The following UBR4 variants were observed in gnomAD, a reference collection of about 807,000 sequenced individuals.
The protein encoded by UBR4 is E3 ubiquitin-protein ligase UBR4.
Under a neutral mutation model 575.6 loss-of-function variants are expected in UBR4, and 124 were observed. The observed-to-expected ratio is 0.22, with a 90% CI of 0.19 to 0.25. The LOEUF (loss-of-function observed/expected upper bound fraction) is 0.25. Among genes scored for constraint, UBR4 ranks in the 10% least tolerant of loss-of-function variants. The pLI is 1.00. For synonymous variants in UBR4, 2,455 were observed against 2,473.7 expected (o/e 0.99, Z 0.22); for missense variants, 4,818 against 6,478.8 (o/e 0.74, Z 8.80).
In UBR4 at chr1:19,155,552, T is replaced by C; in HGVS notation, c.6189A>G (p.Ile2063Met). 1 of 1,614,146 alleles carries C rather than the reference T, an allele frequency of 6.2e-7. No homozygotes were observed. Among genetic ancestry groups the C allele is most frequent in the Admixed American group, 1.7e-5 (1 of 60,020 alleles). Reference sequence around the variant, plus strand: ...TATAGATGTACCCAGCCGAAGACATTATAACAATGATGTTCTTTCCCTCCT... The same window carrying C: ...TATAGATGTACCCAGCCGAAGACATCATAACAATGATGTTCTTTCCCTCCT... ...FNEEGKNIIVIMSSAGYIYTQ... is the reference protein window; with the variant it reads ...FNEEGKNIIVMMSSAGYIYTQ... The change falls in exon 43 of 106, where the codon ATA becomes ATG. Residue 2063 changes from isoleucine to methionine, a missense_variant. Transcript: ENST00000375254.
Position 19,144,097 on chromosome 1 carries a change from G to T in UBR4, c.8068-6C>A, listed in dbSNP as rs1328944342. 1.2e-6 allele frequency: 2 copies of T among 1,612,740 alleles called. No individual in the cohort carries two copies. The highest frequency in any genetic ancestry group is 1.3e-5 in the African/African-American group (1 of 75,014). On this transcript the variant is annotated splice_region_variant and splice_polypyrimidine_tract_variant and intron_variant, in intron 54 of 105. Transcript: ENST00000375254. Reference sequence around the variant, plus strand: ...GAGAAGCTCACAGCAGGATCCTGAGGTTTAAAAGGAAACTGTCACGCTTTG... The same window carrying T: ...GAGAAGCTCACAGCAGGATCCTGAGTTTTAAAAGGAAACTGTCACGCTTTG...
chr1:19,153,982 A>G lies in UBR4; in HGVS notation c.6459-43T>C. 6.3e-7 allele frequency: 1 copy of G among 1,592,212 alleles called. No individual in the cohort carries two copies. The highest frequency in any genetic ancestry group is 1.1e-5 in the South Asian group (1 of 88,676). On this transcript the variant is annotated intron_variant, in intron 44 of 105. Coordinates refer to ENST00000375254, the MANE Select transcript of UBR4 (RefSeq NM_020765.3). This position sits in a 1 kb window ranked among gnomAD's most constrained non-coding sequence, Gnocchi z 4.1. ...GGCCACAGTTAGAGTGTCAGTCACC[A>G]TTTAATAGTTCTTTTCTTGACCTAA...
At chr1:19,135,053 T>C (rs922164096) in intron 60 of UBR4, among the ~76,000 whole-genome samples, 2 of 152,188 alleles carry the variant, frequency 1.3e-5, no homozygotes, top group Non-Finnish European at 2.9e-5. Context: ...GGCAATAAAA[T>C]GTTACTCTTT....
At position 19,110,732 on chromosome 1, in the gene UBR4, G is replaced by C. The variant is rs766541730; in HGVS notation, c.11892+10C>G. 1 of 1,613,914 alleles carries C rather than the reference G, an allele frequency of 6.2e-7. No individual in the cohort carries two copies. On this transcript the variant is annotated intron_variant, in intron 79 of 105. Coordinates refer to ENST00000375254, the MANE Select transcript of UBR4 (RefSeq NM_020765.3). This position sits in a 1 kb window ranked among gnomAD's most constrained non-coding sequence, Gnocchi z 4.5. Reference sequence around the variant, plus strand: ...CAGAGAGGACAGCTGGGCCTGCTAGGCCGGCTCACCAGATCGGGGTTGGCC... The same window carrying C: ...CAGAGAGGACAGCTGGGCCTGCTAGCCCGGCTCACCAGATCGGGGTTGGCC...
rs757666119 is a variant in UBR4 at position 19,170,849 on chromosome 1, T to C, written c.3556A>G (p.Thr1186Ala). 26 of 1,614,080 alleles carry C rather than the reference T, an allele frequency of 1.6e-5. No homozygotes were observed. The highest frequency in any genetic ancestry group is 1.7e-5 in the Non-Finnish European group (20 of 1,180,044). ...YLLQNFNEEG[T>A]TEKPSKEKLQ... ...TTCTCCTTGGAAGGTTTCTCAGTTG[T>C]TCCCTCTTCATTAAAGTTTTGCAGC... Residue 1186 changes from threonine to alanine, a missense_variant, in exon 26 of 106, where the codon ACA becomes GCA. Coordinates refer to ENST00000375254, the MANE Select transcript of UBR4 (RefSeq NM_020765.3).
intron 103 of UBR4, chr1:19,080,083 T>A (rs1403972094): frequency 6.6e-6 from 1 of 152,214 alleles, no homozygotes; most frequent in African/African-American, 2.4e-5. Context: ...CTGTGCCCAA[T>A]AAATGGCCAC....
chr1:19,209,441 GTGA>G (rs2093192662), intron 1 of UBR4, among the ~76,000 whole-genome samples: 1 of 152,230 alleles, frequency 6.6e-6, no homozygotes, highest in Non-Finnish European at 1.5e-5. Flanking sequence ...GTAAAAGAAT[GTGA>G]TGATATTTTA....
chr1:19,189,228 G>A (rs2091842669), intron 11 of UBR4, among the ~76,000 whole-genome samples: 1 of 151,800 alleles, frequency 6.6e-6, no homozygotes, highest in Non-Finnish European at 1.5e-5. Context: ...GCACACAGCT[G>A]GTGTCAATGC....
intron 31 of UBR4, 100 bp from the exon 32 acceptor site, chr1:19,165,097 G>C: frequency 6.5e-7 from 1 of 1,540,014 alleles, no homozygotes; most frequent in Non-Finnish European, 8.9e-7. Flanking sequence ...TGGCTTCAAA[G>C]CAAGTTTTCA....
At chr1:19,142,919 C>T (rs2084134455) in intron 55 of UBR4, among the ~76,000 whole-genome samples, 2 of 151,936 alleles carry the variant, frequency 1.3e-5, no homozygotes, top group South Asian at 2.1e-4. Flanking sequence ...GTCAGGAGTT[C>T]GAGACCAGCT....
At chr1:19,192,134 T>C (rs1483610447) in intron 11 of UBR4, 54 bp downstream of exon 11, 5 of 1,573,056 alleles carry the variant, frequency 3.2e-6, no homozygotes, top group South Asian at 1.2e-5. Context: ...CCTGTAAATA[T>C]AAAATGTTAG....
In UBR4 at chr1:19,110,937, C is replaced by G; in HGVS notation, c.11802-105G>C. On this transcript the variant is annotated intron_variant, in intron 78 of 105. Transcript: ENST00000375254. This position sits in a 1 kb window ranked among gnomAD's most constrained non-coding sequence, Gnocchi z 4.5. ...AAATGAAATCAATGTCTAAGGCTAC[C>G]TGGCCCCAAATTTTCTACTTCCTTC... 8.5e-7 allele frequency: 1 copy of G among 1,179,120 alleles called. No homozygotes were observed. The allele number at this position is 1,179,120 out of a possible 1,614,324, so 73.0% of individuals were successfully genotyped here.
At chr1:19,173,394 A>G (rs2089853726) in intron 23 of UBR4, 45 bp downstream of exon 23, 6 of 1,612,804 alleles carry the variant, frequency 3.7e-6, no homozygotes, top group African/African-American at 1.3e-5. Context: ...AGTAAGCACA[A>G]AGCACTTTGG....
At position 19,088,684 on chromosome 1, in the gene UBR4, C is replaced by A. The variant is rs2077241588; in HGVS notation, c.14430+75G>T. Reference sequence around the variant, plus strand: ...AGCCTTCTCTTTCCCCATGGCCAACCCCAGGGCTGTCCCATGGCCACCTCC... The same window carrying A: ...AGCCTTCTCTTTCCCCATGGCCAACACCAGGGCTGTCCCATGGCCACCTCC... On this transcript the variant is annotated intron_variant, in intron 98 of 105. Transcript: ENST00000375254. This position sits in a 1 kb window ranked among gnomAD's most constrained non-coding sequence, Gnocchi z 4.0. 5 of 1,520,632 alleles carry A rather than the reference C, an allele frequency of 3.3e-6. No individual in the cohort carries two copies. In the African/African-American group the frequency reaches 6.9e-5, roughly 21 times the overall value. 94.2% of individuals were successfully genotyped at this position (1,520,632 alleles called of 1,614,324 possible).
Position 19,183,895 on chromosome 1 carries a change from A to T in UBR4, c.2100T>A (p.Gly700=). 1 of 1,614,088 alleles carries T rather than the reference A, an allele frequency of 6.2e-7. No individual in the cohort carries two copies. Among genetic ancestry groups the T allele is most frequent in the Non-Finnish European group, 8.5e-7 (1 of 1,180,000 alleles). Residue 700 remains glycine (G), a splice_region_variant and synonymous_variant, in exon 17 of 106, where the codon GGT becomes GGA. Transcript: ENST00000375254. ...CTGCAGCAAACTCTTCATCTGATGA[A>T]CCTTAAAGACAAGTAGAAAAGCCAA... ...IKEVDKDGLK[G]SSDEEFAAAL...
At chr1:19,163,430 A>ACT (rs2087736515) in intron 34 of UBR4, among the ~76,000 whole-genome samples, 1 of 152,278 alleles carries the variant, frequency 6.6e-6, no homozygotes. Context: ...CTTTTATAAC[A>ACT]CTGACTCAGA....
At chr1:19,183,980 A>T in intron 16 of UBR4, 36 bp downstream of exon 16, 7 of 1,613,918 alleles carry the variant, frequency 4.3e-6, no homozygotes, top group Non-Finnish European at 5.9e-6. Flanking sequence ...CTCCATGAGA[A>T]AAAAAATCCA....
intron 53 of UBR4, among the ~76,000 whole-genome samples, 168 bp from the exon 54 acceptor site, chr1:19,145,075 G>C (rs1442312929): frequency 6.6e-6 from 1 of 152,160 alleles, no homozygotes; most frequent in East Asian, 1.9e-4. Flanking sequence ...TATTATTTAT[G>C]ATTTGTTTCA....
rs1052448828 is a variant in UBR4 at position 19,179,119 on chromosome 1, G to A, written c.2286C>T (p.Leu762=). The A allele has an allele frequency of 6.2e-7, 1 of 1,614,010 alleles. No homozygotes were observed. Among genetic ancestry groups the A allele is most frequent in the Non-Finnish European group, 8.5e-7 (1 of 1,179,986 alleles). Residue 762 remains leucine, a synonymous_variant, in exon 18 of 106, where the codon CTC becomes CTT. Coordinates refer to ENST00000375254, the MANE Select transcript of UBR4 (RefSeq NM_020765.3). ...QSLSVLSRLL[L]IWQHKASAQG... ...GAGCACTGGCTTTATGTTGCCAGATGAGCAGGAGGCGTGAAAGCACAGAGA... is the reference window on the plus strand; with the variant it reads ...GAGCACTGGCTTTATGTTGCCAGATAAGCAGGAGGCGTGAAAGCACAGAGA...
Sources: gnomAD v4.1 joint callset for allele counts (sites outside exome capture counted in the v4.1 genomes callset) on GRCh38, gnomAD v4.1.1 for gene constraint, Gnocchi (gnomAD v3.1) non-coding constraint, MANE v1.5 for transcripts, NCBI Gene and HGNC (gene_info 2026-07-23, HGNC 2026-07-21) for gene names.